GRHL2: variants seen among roughly 807,000 people sequenced by gnomAD.
GRHL2 encodes the protein grainyhead-like protein 2 homolog.
In GRHL2, 21 loss-of-function variants were observed where a neutral mutation model predicts 83.8. That is an observed-to-expected ratio of 0.25 (90% CI 0.18 to 0.36). The LOEUF (loss-of-function observed/expected upper bound fraction) is 0.36. Among genes scored for constraint, GRHL2 ranks in the 10% least tolerant of loss-of-function variants. The probability of loss-of-function intolerance (pLI) is 1.00; values close to 1 mark genes in which losing one functional copy is unlikely to be tolerated. For missense variants in GRHL2, 623 were observed against 781.8 expected (o/e 0.80, Z 2.42); for synonymous variants, 280 against 278.9 (o/e 1.00, Z -0.04).
chr8:101,634,123 A>C (rs1366278304), intron 11 of GRHL2, among the ~76,000 whole-genome samples: 1 of 152,178 alleles, frequency 6.6e-6, no homozygotes, highest in Non-Finnish European at 1.5e-5. Flanking sequence ...CAGGCAGTCC[A>C]ATCAGCACCC....
chr8:101,671,907 G>C (rs569801623), downstream of GRHL2, among the ~76,000 whole-genome samples: 113 of 152,304 alleles, frequency 7.4e-4, no homozygotes, highest in African/African-American at 2.6e-3. Context: ...AGCCACCGCT[G>C]TTCTGCAGCC....
chr8:101,622,503 A>G (rs1260407015), intron 9 of GRHL2, among the ~76,000 whole-genome samples: 2 of 152,220 alleles, frequency 1.3e-5, no homozygotes, highest in Non-Finnish European at 2.9e-5. Context: ...CTGACAAGGT[A>G]TAGACATCGT....
At chr8:101,568,436 A>C (rs1811758956) in intron 4 of GRHL2, among the ~76,000 whole-genome samples, 1 of 152,230 alleles carries the variant, frequency 6.6e-6, no homozygotes, top group African/African-American at 2.4e-5. Flanking sequence ...CAAGGGTCAG[A>C]GCGAAGCTCA....
At chr8:101,679,631 A>G in the GRHL2 span, among the ~76,000 whole-genome samples, 4 of 151,450 alleles carry the variant, frequency 2.6e-5, no homozygotes, top group Non-Finnish European at 5.9e-5. Flanking sequence ...TGTCAGATTC[A>G]CCAAAGTTGA....
chr8:101,664,243 G>C (rs1813993271), intron 14 of GRHL2, among the ~76,000 whole-genome samples: 3 of 152,206 alleles, frequency 2.0e-5, no homozygotes, highest in African/African-American at 7.2e-5. Flanking sequence ...ATCATAGATT[G>C]AATTCCCATG....
chr8:101,636,670 A>G (rs1381300229), intron 11 of GRHL2: 5 of 548,934 alleles, frequency 9.1e-6, no homozygotes, highest in Non-Finnish European at 1.3e-5. Flanking sequence ...ATTAAAATCT[A>G]GGAATTAACC....
At chr8:101,602,925 T>C (rs1372541979) in intron 8 of GRHL2, among the ~76,000 whole-genome samples, 1 of 152,232 alleles carries the variant, frequency 6.6e-6, no homozygotes. Context: ...CAGCATTCCC[T>C]GGCTCCCTGG....
Position 101,586,119 on chromosome 8 carries a change from T to C in GRHL2, c.1003+8600T>C, listed in dbSNP as rs1287156279. 2.1e-5 allele frequency among the ~76,000 whole-genome samples: 3 copies of C among 140,088 alleles called. No individual in the cohort carries two copies. The East Asian group carries it at 6.5e-4, about 30-fold the overall frequency. 91.9% of individuals were successfully genotyped at this position (140,088 alleles called of 152,430 possible). A position where few individuals can be genotyped will look rare whatever the true frequency, so the allele number is the denominator to read the frequency against. On this transcript the variant is annotated intron_variant, in intron 7 of 15. Coordinates refer to ENST00000646743, the MANE Select transcript of GRHL2 (RefSeq NM_024915.4). The stretch of plus-strand genomic sequence containing the variant: ...ACGGAGTCTCGCTCTGTCGCCCAGG[T>C]GGGACTGCGGACTGCAGTGGCGCAA...
intron 1 of GRHL2, among the ~76,000 whole-genome samples, chr8:101,502,618 A>G (rs1055480741): frequency 2.0e-5 from 3 of 152,230 alleles, no homozygotes; most frequent in African/African-American, 7.2e-5. Context: ...CAGCCCAGGA[A>G]GTGTTCATTC....
At position 101,635,763 on chromosome 8, in the gene GRHL2, A is replaced by C. The variant is rs112403140; in HGVS notation, c.1486-1134A>C. Among the ~76,000 whole-genome samples, 916 of 152,316 alleles carry C rather than the reference A, an allele frequency of 6.0e-3. 9 individuals carry two copies. The highest frequency in any genetic ancestry group is 0.02 in the African/African-American group (824 of 41,574). On this transcript the variant is annotated intron_variant, in intron 11 of 15. Transcript: ENST00000646743. The stretch of plus-strand genomic sequence containing the variant: ...AAGAAGAAACTAAATAAACAATACA[A>C]CAACAGCCATTAAAAAATTAAGAGG...
chr8:101,595,325 A>G (rs1812370108), intron 7 of GRHL2, among the ~76,000 whole-genome samples: 1 of 152,202 alleles, frequency 6.6e-6, no homozygotes, highest in South Asian at 2.1e-4. Context: ...GACATTTTTT[A>G]TGTGGAGAAG....
At chr8:101,607,196 T>C (rs1812649246) in intron 8 of GRHL2, among the ~76,000 whole-genome samples, 1 of 152,238 alleles carries the variant, frequency 6.6e-6, no homozygotes, top group Admixed American at 6.5e-5. Context: ...ACAGTTCTTT[T>C]GAAAATTAAA....
At chr8:101,627,287 G>A (rs894232685) in intron 9 of GRHL2, among the ~76,000 whole-genome samples, 4 of 151,978 alleles carry the variant, frequency 2.6e-5, no homozygotes, top group Non-Finnish European at 5.9e-5. Flanking sequence ...TCTTGTCTCC[G>A]TGTCACATTT....
At chr8:101,546,173 C>A (rs947133863) in intron 2 of GRHL2, among the ~76,000 whole-genome samples, 1 of 152,052 alleles carries the variant, frequency 6.6e-6, no homozygotes, top group Non-Finnish European at 1.5e-5. Flanking sequence ...AGCCACCGTG[C>A]CCAGCCTGTT....
chr8:101,631,652 A>C lies in GRHL2; in HGVS notation c.1273A>C (p.Ile425Leu), dbSNP rs1813188114. The C allele has an allele frequency of 6.2e-7, 1 of 1,613,628 alleles. No individual in the cohort carries two copies. The change falls in exon 10 of 16, where the codon ATC becomes CTC. Residue 425 changes from isoleucine (I) to leucine (L), a missense_variant. By Grantham distance (5) the Ile-to-Leu change is conservative (BLOSUM62 2). This residue lies in a region of GRHL2 where 210 missense variants were observed against 254.8 expected (regional missense o/e 0.82). Transcript: ENST00000646743. ...TTCCTATCAGGGAGCAGAAAGAAAA[A>C]TCCGAGATGAAGAGCGGAAGCAGAA... is the stretch of plus-strand genomic sequence containing the variant. The part of the protein sequence containing the change: ...VFCDKGAERK[I>L]RDEERKQNRK...
intron 4 of GRHL2, among the ~76,000 whole-genome samples, chr8:101,569,058 C>T (rs1351101670): frequency 6.6e-6 from 1 of 152,052 alleles, no homozygotes; most frequent in Non-Finnish European, 1.5e-5. Context: ...AAGTTTATTG[C>T]ACAGAAATGA....
chr8:101,605,730 T>A (rs1307027142), intron 8 of GRHL2, among the ~76,000 whole-genome samples: 1 of 152,226 alleles, frequency 6.6e-6, no homozygotes, highest in African/African-American at 2.4e-5. Context: ...GAAAACTCCT[T>A]GCACTCTTCA....
rs1418600495 is a variant in GRHL2, at chr8:101,558,615, G to A, written c.481G>A (p.Glu161Lys). The A allele has an allele frequency of 6.2e-7, 1 of 1,614,084 alleles. No individual in the cohort carries two copies. Residue 161 changes from glutamate to lysine, a missense_variant, in exon 4 of 16, where the codon GAA becomes AAA. Physicochemically the swap from Glu to Lys is moderately conservative, Grantham distance 56 (BLOSUM62 1). Around this residue, in one of 8 missense-constraint regions of GRHL2, gnomAD observed 239 missense variants for 240.5 expected, o/e 0.99. Transcript: ENST00000646743. ...PVSGITVVKA[E>K]DFTPVFMAPP... ...GTCGGGAATCACGGTGGTGAAAGCT[G>A]AAGATTTCACACCAGTTTTCATGGC...
chr8:101,647,869 C>T (rs1813544112), intron 13 of GRHL2, among the ~76,000 whole-genome samples: 1 of 151,970 alleles, frequency 6.6e-6, no homozygotes, highest in Non-Finnish European at 1.5e-5. Flanking sequence ...TGAAGTCCCC[C>T]CAGGATTGGG....
Sources: allele counts gnomAD v4.1 joint callset (sites outside exome capture counted in the v4.1 genomes callset), GRCh38; gene constraint gnomAD v4.1.1; regional missense constraint gnomAD v4.1.1; transcripts MANE v1.5; gene names NCBI Gene and HGNC (gene_info 2026-07-23, HGNC 2026-07-21).